The following PSD variants were observed in gnomAD, a reference collection of about 807,000 sequenced individuals.
PSD encodes pleckstrin and Sec7 domain containing, also known as PH and SEC7 domain-containing protein 1.
In PSD, 32 loss-of-function variants were observed where a neutral mutation model predicts 91.6. That is an observed-to-expected ratio of 0.35 (90% CI 0.26 to 0.47). The LOEUF is 0.47. Ranked by LOEUF, PSD falls within the 20% of genes least tolerant of loss-of-function variation. The pLI, the probability that PSD is intolerant of heterozygous loss-of-function variation, is 1.00. For synonymous variants in PSD, 532 were observed against 569.3 expected, an observed-to-expected ratio of 0.93 and a Z score of 0.93; for missense variants, 1,099 against 1,373.9, an observed-to-expected ratio of 0.80 and a Z score of 3.16.
upstream of PSD, chr10:102,418,819 CT>C: frequency 1.2e-5 from 5 of 423,054 alleles, no homozygotes. Context: ...GTCCCTCCCC[CT>C]ACCCCCTACG....
At position 102,409,396 on chromosome 10, in the gene PSD, G is replaced by A; in HGVS notation, c.2091+1462C>T. The A allele has an allele frequency of 2.0e-6, 2 of 980,442 alleles. No homozygotes were observed. The highest frequency in any genetic ancestry group is 2.4e-6 in the Non-Finnish European group (2 of 825,348). The allele number at this position is 980,442 out of a possible 1,614,324, so 60.7% of individuals were successfully genotyped here. On this transcript the variant is annotated intron_variant, in intron 10 of 16. Transcript: ENST00000020673. The surrounding 1 kb of genome is among the most constrained non-coding windows in gnomAD (Gnocchi z 5.7). ...AAGGGGGCCCTCCCCGCGCGGCCAC[G>A]GGGAGGAGCCTGGGGAGGCCAGCGT...
Position 102,404,840 on chromosome 10 carries a change from G to A in PSD, c.2555+58C>T, listed in dbSNP as rs2061341306. On this transcript the variant is annotated intron_variant, in intron 14 of 16. Transcript: ENST00000020673. The surrounding 1 kb of genome is among the most constrained non-coding windows in gnomAD (Gnocchi z 5.7). ...AATGAAAAAATCCAGGGACAGGGAG[G>A]GGAGCAGGATGGGAGGTGGGGGAAG... is the stretch of plus-strand genomic sequence containing the variant. 4 of 1,592,522 alleles carry A rather than the reference G, an allele frequency of 2.5e-6. No homozygotes were observed. Among genetic ancestry groups the A allele is most frequent in the Non-Finnish European group, 8.6e-7 (1 of 1,167,622 alleles).
rs776466131 is a variant in PSD, at chr10:102,412,140, C to T, written c.1829+7G>A. The T allele has an allele frequency of 6.2e-7, 1 of 1,613,756 alleles. No individual in the cohort carries two copies. The highest frequency in any genetic ancestry group is 8.5e-7 in the Non-Finnish European group (1 of 1,179,708). On this transcript the variant is annotated splice_region_variant and intron_variant, in intron 7 of 16. Coordinates refer to ENST00000020673, the MANE Select transcript of PSD (RefSeq NM_002779.5). The stretch of plus-strand genomic sequence containing the variant: ...TGGGGGCTGTCCTCCAAGGGGTCAA[C>T]ACCCACCTGAGAGCTTGGTCCAGAG...
chr10:102,412,101 C>T (rs757503896), intron 7 of PSD, 46 bp downstream of exon 7: 14 of 1,585,080 alleles, frequency 8.8e-6, no homozygotes, highest in South Asian at 5.5e-5. Flanking sequence ...GGCCCTAACA[C>T]GAACCCCGGA....
In PSD at chr10:102,410,841, C is replaced by G; in HGVS notation, c.2091+17G>C. ...ATCCTTCCCCTCCAGCGACTTCTAC[C>G]CTGCCCCGCCCCCCACCTTGAGCAG... is the stretch of plus-strand genomic sequence containing the variant. On this transcript the variant is annotated intron_variant, in intron 10 of 16. Coordinates refer to ENST00000020673, the MANE Select transcript of PSD (RefSeq NM_002779.5). The surrounding 1 kb of genome is among the most constrained non-coding windows in gnomAD (Gnocchi z 6.0). 6.2e-7 allele frequency: 1 copy of G among 1,604,612 alleles called. No individual in the cohort carries two copies. Among genetic ancestry groups the G allele is most frequent in the Non-Finnish European group, 8.5e-7 (1 of 1,172,088 alleles).
chr10:102,412,811 T>C (rs1241471693), intron 5 of PSD, among the ~76,000 whole-genome samples: 3 of 152,194 alleles, frequency 2.0e-5, no homozygotes, highest in Non-Finnish European at 4.4e-5. Flanking sequence ...CTTGCTGCTG[T>C]GGGAGTTCTG....
chr10:102,408,869 G>T (rs1004436567), intron 10 of PSD: 37 of 986,334 alleles, frequency 3.8e-5, no homozygotes, highest in Admixed American at 6.1e-5. Flanking sequence ...GCAACCTGGC[G>T]TGGGCCGCGG....
chr10:102,415,212 G>T lies in PSD; in HGVS notation c.775C>A (p.Gln259Lys). ...ACCCCAGGTGGAGATGGGGGGGCCTGCTCTGGGGGCTTAGCACCTGTAGTG... is the reference window on the plus strand; with the variant it reads ...ACCCCAGGTGGAGATGGGGGGGCCTTCTCTGGGGGCTTAGCACCTGTAGTG... The part of the protein sequence containing the change: ...PPSSGAKPPE[Q>K]APPSPPGVGS... Residue 259 changes from glutamine to lysine, a missense_variant, in exon 4 of 17, where the codon CAG becomes AAG. By Grantham distance (53) the Gln-to-Lys change is moderately conservative. Around this residue, in one of 3 missense-constraint regions of PSD, gnomAD observed 631 missense variants for 728.8 expected, o/e 0.87. Coordinates refer to ENST00000020673, the MANE Select transcript of PSD (RefSeq NM_002779.5). 1.2e-6 allele frequency: 2 copies of T among 1,609,598 alleles called. No individual in the cohort carries two copies. Among genetic ancestry groups the T allele is most frequent in the African/African-American group, 2.7e-5 (2 of 75,000 alleles).
At chr10:102,408,386 G>T (rs1002882035) in intron 10 of PSD, among the ~76,000 whole-genome samples, 2 of 152,096 alleles carry the variant, frequency 1.3e-5, no homozygotes, top group Non-Finnish European at 2.9e-5. Context: ...CCCTATCTGG[G>T]GATGGGTGTA....
chr10:102,403,022 C>G lies in PSD; in HGVS notation c.*178G>C, dbSNP rs2061300482. ...ACAAAAAGGGGCTCTCGGAGGTGCC[C>G]CTAGCCTAGGCTCCTGAGGCCCAGG... On this transcript the variant is annotated 3_prime_UTR_variant, in exon 17 of 17. Coordinates refer to ENST00000020673, the MANE Select transcript of PSD (RefSeq NM_002779.5). This position sits in a 1 kb window ranked among gnomAD's most constrained non-coding sequence, Gnocchi z 6.7. 3 of 400,974 alleles carry G rather than the reference C, an allele frequency of 7.5e-6. No homozygotes were observed. In the East Asian group the frequency reaches 1.2e-4, roughly 16 times the overall value. The allele number at this position is 400,974 out of a possible 1,614,324, so 24.8% of individuals were successfully genotyped here.
At chr10:102,407,127 AC>A in intron 11 of PSD, 95 bp downstream of exon 11, 1 of 1,123,986 alleles carries the variant, frequency 8.9e-7, no homozygotes, top group Non-Finnish European at 1.2e-6. Flanking sequence ...CCCCTCCCCT[AC>A]CCCCACCCAG....
chr10:102,407,827 C>T (rs2061379442), intron 10 of PSD, among the ~76,000 whole-genome samples: 1 of 152,132 alleles, frequency 6.6e-6, no homozygotes. Flanking sequence ...AGGCCTCCCC[C>T]TAACCCTGAC....
chr10:102,404,945 G>A lies in PSD; in HGVS notation c.2508C>T (p.Val836=). The change falls in exon 14 of 17, where the codon GTC becomes GTT. Residue 836 remains valine (V), a synonymous_variant. Coordinates refer to ENST00000020673, the MANE Select transcript of PSD (RefSeq NM_002779.5). The surrounding 1 kb of genome is among the most constrained non-coding windows in gnomAD (Gnocchi z 5.7). ...GCCAGTCAGCTGTGCGCAGGTAGAA[G>A]ACGTGGGGCCTCTTGCTGTAGTCAC... ...RASDYSKRPH[V]FYLRTADWRV... is the part of the protein sequence containing the mutation. 1.9e-6 allele frequency: 3 copies of A among 1,614,124 alleles called. No homozygotes were observed. Among genetic ancestry groups the A allele is most frequent in the Non-Finnish European group, 8.5e-7 (1 of 1,179,996 alleles).
chr10:102,411,192 T>G, intron 8 of PSD, 76 bp from the exon 9 acceptor site: 1 of 1,431,456 alleles, frequency 7.0e-7, no homozygotes, highest in Non-Finnish European at 9.5e-7. Flanking sequence ...AACCTCCCAT[T>G]TCATCCCCAC....
intron 7 of PSD, 29 bp downstream of exon 7, chr10:102,412,118 G>C (rs769004302): frequency 1.2e-6 from 2 of 1,605,544 alleles, no homozygotes; most frequent in East Asian, 4.5e-5. Context: ...CGGAGAGTGG[G>C]GGCTGTCCTC....
rs200243712 is a variant in PSD at position 102,412,455 on chromosome 10, C to T, written c.1674G>A (p.Ala558=). The part of the protein sequence containing the change: ...SNGQKADLEA[A]QRLAKRLYRL... The stretch of plus-strand genomic sequence containing the variant: ...GGTACAGCCTCTTGGCCAGGCGCTG[C>T]GCAGCCTCCAGGTCCGCTTTCTGCC... The change falls in exon 6 of 17, where the codon GCG becomes GCA. Residue 558 remains alanine, a synonymous_variant. Transcript: ENST00000020673. 9.3e-6 allele frequency: 15 copies of T among 1,614,146 alleles called. No individual in the cohort carries two copies. The highest frequency in any genetic ancestry group is 3.3e-5 in the Admixed American group (2 of 60,032).
chr10:102,412,078 G>A (rs554930313), intron 7 of PSD, 69 bp downstream of exon 7: 38 of 1,483,970 alleles, frequency 2.6e-5, no homozygotes, highest in Admixed American at 8.4e-5. Flanking sequence ...GGGGCTCAAA[G>A]GAGGCATCCT....
At chr10:102,406,624 C>A (rs559494889) in intron 11 of PSD, among the ~76,000 whole-genome samples, 1 of 152,060 alleles carries the variant, frequency 6.6e-6, no homozygotes, top group Admixed American at 6.5e-5. Flanking sequence ...TCTCCTGCCT[C>A]AGCCTCCTGA....
chr10:102,407,768 TC>T (rs774432090), intron 10 of PSD, among the ~76,000 whole-genome samples: 1 of 152,058 alleles, frequency 6.6e-6, no homozygotes, highest in Non-Finnish European at 1.5e-5. Flanking sequence ...GCACTTTCCT[TC>T]CCTAATAGAG....
Sources: allele counts gnomAD v4.1 joint callset (sites outside exome capture counted in the v4.1 genomes callset), GRCh38; gene constraint gnomAD v4.1.1; regional missense constraint gnomAD v4.1.1; non-coding constraint Gnocchi (gnomAD v3.1); transcripts MANE v1.5; gene names NCBI Gene and HGNC (gene_info 2026-07-23, HGNC 2026-07-21).